Variants in DNAJC5 observed in about 807,000 individuals in gnomAD.
The protein encoded by DNAJC5 is dnaJ homolog subfamily C member 5.
DNAJC5 carries 1 observed loss-of-function variant against 23.2 expected under a neutral mutation model. The ratio of observed to expected loss-of-function variants is 0.04; its 90% CI spans 0.02 to 0.20. The LOEUF (loss-of-function observed/expected upper bound fraction) is 0.20. DNAJC5 is among the 10% of genes least tolerant of loss of function. DNAJC5 has a pLI of 1.00. For synonymous variants in DNAJC5, 136 were observed against 120.0 expected (o/e 1.13, Z -0.87); for missense variants, 180 against 267.0 (o/e 0.67, Z 2.27).
chr20:63,896,556 A>G (rs949107662), intron 1 of DNAJC5, among the ~76,000 whole-genome samples: 1 of 152,124 alleles, frequency 6.6e-6, no homozygotes, highest in Admixed American at 6.5e-5. Flanking sequence ...TGCACCTGCC[A>G]TATCAGCCTC....
chr20:63,924,438 G>C (rs2053595407), intron 1 of DNAJC5, among the ~76,000 whole-genome samples: 1 of 152,196 alleles, frequency 6.6e-6, no homozygotes, highest in Non-Finnish European at 1.5e-5. Context: ...CCAGGCTACA[G>C]TGTGGTGGCA....
At chr20:63,902,894 G>A (rs1482605036) in intron 1 of DNAJC5, among the ~76,000 whole-genome samples, 2 of 144,862 alleles carry the variant, frequency 1.4e-5, no homozygotes, top group African/African-American at 5.1e-5. Context: ...AGCCAGGATG[G>A]TCTCGATCTC....
Position 63,907,705 on chromosome 20 carries a change from A to G in DNAJC5, c.-12+12382A>G, listed in dbSNP as rs114462684. 9.1e-3 allele frequency among the ~76,000 whole-genome samples: 1,385 copies of G among 152,356 alleles called. 11 individuals are homozygous for G. Among genetic ancestry groups the G allele is most frequent in the African/African-American group, 0.032 (1,317 of 41,578 alleles). On this transcript the variant is annotated intron_variant, in intron 1 of 4. Coordinates refer to ENST00000360864, the MANE Select transcript of DNAJC5 (RefSeq NM_025219.3). The stretch of plus-strand genomic sequence containing the variant: ...CAGATATCACAAGTTTTGTCAGATC[A>G]TACTGTCTCAATTTTGAGGTGAATG...
rs968502254 is a variant in DNAJC5, at chr20:63,928,307, G to A, written c.-11-28G>A. ...CTTGGTACTTTCATCTATACTTTGTGATACTTTCTTTTTATTTTTTCTTCT... is the reference window on the plus strand; with the variant it reads ...CTTGGTACTTTCATCTATACTTTGTAATACTTTCTTTTTATTTTTTCTTCT... On this transcript the variant is annotated intron_variant, in intron 1 of 4. Coordinates refer to ENST00000360864, the MANE Select transcript of DNAJC5 (RefSeq NM_025219.3). The surrounding 1 kb of genome is among the most constrained non-coding windows in gnomAD (Gnocchi z 4.6). 1.3e-6 allele frequency: 2 copies of A among 1,572,534 alleles called. No individual in the cohort carries two copies. The highest frequency in any genetic ancestry group is 2.7e-5 in the African/African-American group (2 of 74,106).
At chr20:63,924,770 C>T (rs773155493) in intron 1 of DNAJC5, among the ~76,000 whole-genome samples, 9 of 152,242 alleles carry the variant, frequency 5.9e-5, no homozygotes, top group South Asian at 2.1e-4. Context: ...GCCTGGGAGG[C>T]GGAGGTTGCA....
At chr20:63,903,732 A>C (rs1238736916) in intron 1 of DNAJC5, among the ~76,000 whole-genome samples, 1 of 151,856 alleles carries the variant, frequency 6.6e-6, no homozygotes, top group Non-Finnish European at 1.5e-5. Flanking sequence ...AGCAGATTAC[A>C]TGAGGCCAGG....
Position 63,931,443 on chromosome 20 carries a change from GC to G in DNAJC5, c.494-19del. 1 of 1,539,624 alleles carries G rather than the reference GC, an allele frequency of 6.5e-7. No individual in the cohort carries two copies. ...CGCCAGGCTGTGGCCCTCGTGCAGTGCCCTGTGTGCTTGCTTTTCAGAGGCC... is the reference window on the plus strand; with the variant it reads ...CGCCAGGCTGTGGCCCTCGTGCAGTGCCTGTGTGCTTGCTTTTCAGAGGCC... On this transcript the variant is annotated intron_variant, in intron 4 of 4. Coordinates refer to ENST00000360864, the MANE Select transcript of DNAJC5 (RefSeq NM_025219.3). The surrounding 1 kb of genome is among the most constrained non-coding windows in gnomAD (Gnocchi z 9.6).
intron 1 of DNAJC5, among the ~76,000 whole-genome samples, chr20:63,927,441 G>A (rs192769514): frequency 2.0e-5 from 3 of 152,342 alleles, no homozygotes; most frequent in Admixed American, 2.0e-4. Context: ...GTGTGAGGCT[G>A]AGGCAGGAGC....
In DNAJC5 at chr20:63,929,621, G is replaced by A; in HGVS notation, c.321+96G>A. ...CCGTGCGGGCACCCGAGTCACTCCTGCCGTGCGGGCACCCGAGTCTCTCCT... is the reference window on the plus strand; with the variant it reads ...CCGTGCGGGCACCCGAGTCACTCCTACCGTGCGGGCACCCGAGTCTCTCCT... On this transcript the variant is annotated intron_variant, in intron 3 of 4. Transcript: ENST00000360864. This position sits in a 1 kb window ranked among gnomAD's most constrained non-coding sequence, Gnocchi z 8.6. The A allele has an allele frequency of 1.6e-6, 2 of 1,244,366 alleles. No individual in the cohort carries two copies. Among genetic ancestry groups the A allele is most frequent in the Non-Finnish European group, 2.3e-6 (2 of 876,472 alleles). The allele number at this position is 1,244,366 out of a possible 1,614,324, so 77.1% of individuals were successfully genotyped here. A position where few individuals can be genotyped will look rare whatever the true frequency, so the allele number is the denominator to read the frequency against.
At chr20:63,897,613 A>G (rs999025432) in intron 1 of DNAJC5, among the ~76,000 whole-genome samples, 9 of 152,164 alleles carry the variant, frequency 5.9e-5, no homozygotes, top group African/African-American at 1.9e-4. Context: ...AGTGGTAATA[A>G]TGCTTTTAGA....
chr20:63,899,031 A>C lies in DNAJC5; in HGVS notation c.-12+3708A>C, dbSNP rs973363459. ...AATCTGTGCTAGGCCTTCCTTCGTGAAAGAGGACAAGATCAGGGCTCACGT... is the reference window on the plus strand; with the variant it reads ...AATCTGTGCTAGGCCTTCCTTCGTGCAAGAGGACAAGATCAGGGCTCACGT... On this transcript the variant is annotated intron_variant, in intron 1 of 4. Transcript: ENST00000360864. 2.0e-5 allele frequency among the ~76,000 whole-genome samples: 3 copies of C among 152,156 alleles called. No homozygotes were observed. In the South Asian group the frequency reaches 6.2e-4, roughly 32 times the overall value.
At chr20:63,922,883 T>C (rs568496220) in intron 1 of DNAJC5, among the ~76,000 whole-genome samples, 1 of 152,302 alleles carries the variant, frequency 6.6e-6, no homozygotes, top group Admixed American at 6.5e-5. Context: ...CTCATGCCTG[T>C]AATCCCCAGC....
intron 1 of DNAJC5, among the ~76,000 whole-genome samples, chr20:63,895,686 G>A (rs1437734023): frequency 6.6e-6 from 1 of 152,038 alleles, no homozygotes; most frequent in Admixed American, 6.6e-5. Flanking sequence ...CCTCTCCTGC[G>A]GGGGGACTGG....
rs940576822 is a variant in DNAJC5 at position 63,929,706 on chromosome 20, G to A, written c.321+181G>A. ...GGCACCCGAGTCACTCCTGCCGTGC[G>A]GGCGCCCGAGTCACTCCTGCCGTGC... On this transcript the variant is annotated intron_variant, in intron 3 of 4. Coordinates refer to ENST00000360864, the MANE Select transcript of DNAJC5 (RefSeq NM_025219.3). The surrounding 1 kb of genome is among the most constrained non-coding windows in gnomAD (Gnocchi z 8.6). Among the ~76,000 whole-genome samples the A allele has an allele frequency of 4.2e-4, 62 of 148,616 alleles. No individual in the cohort carries two copies. The highest frequency in any genetic ancestry group is 1.4e-3 in the African/African-American group (55 of 38,932).
intron 1 of DNAJC5, among the ~76,000 whole-genome samples, chr20:63,899,963 A>T (rs1174793524): frequency 1.4e-5 from 2 of 143,582 alleles, no homozygotes; most frequent in African/African-American, 5.3e-5. Flanking sequence ...GTTTCCGCTC[A>T]TGGCAACCTC....
intron 1 of DNAJC5, among the ~76,000 whole-genome samples, chr20:63,923,445 A>G (rs559886941): frequency 7.2e-5 from 11 of 151,942 alleles, no homozygotes; most frequent in Non-Finnish European, 1.5e-4. Flanking sequence ...TTGTTTCTAA[A>G]AAAAAAAATT....
Position 63,902,686 on chromosome 20 carries a change from T to TC in DNAJC5, c.-12+7363_-12+7364insC, listed in dbSNP as rs569014008. ...CCTGGCCTCATCTTGTTTTTTTTTT[T>TC]TTTTTTTGAGACAGAGTCTTGCTCT... On this transcript the variant is annotated intron_variant, in intron 1 of 4. Transcript: ENST00000360864. Among the ~76,000 whole-genome samples the TC allele has an allele frequency of 5.0e-3, 700 of 141,170 alleles. 6 individuals carry two copies. Among genetic ancestry groups the TC allele is most frequent in the African/African-American group, 0.018 (664 of 37,930 alleles). 92.6% of individuals were successfully genotyped at this position (141,170 alleles called of 152,430 possible).
Position 63,931,765 on chromosome 20 carries a change from A to C in DNAJC5, c.*197A>C. 1.6e-6 allele frequency: 1 copy of C among 633,268 alleles called. No individual in the cohort carries two copies. The highest frequency in any genetic ancestry group is 1.8e-5 in the South Asian group (1 of 57,114). The allele number at this position is 633,268 out of a possible 1,614,324, so 39.2% of individuals were successfully genotyped here. On this transcript the variant is annotated 3_prime_UTR_variant, in exon 5 of 5. Coordinates refer to ENST00000360864, the MANE Select transcript of DNAJC5 (RefSeq NM_025219.3). This position sits in a 1 kb window ranked among gnomAD's most constrained non-coding sequence, Gnocchi z 9.6. Reference sequence around the variant, plus strand: ...TAGCATGCAGTATTTAAAGCAGTGTAGCTACGGTCTTCTGTTTTTTTCCCT... The same window carrying C: ...TAGCATGCAGTATTTAAAGCAGTGTCGCTACGGTCTTCTGTTTTTTTCCCT...
At chr20:63,918,881 A>C (rs2053538049) in intron 1 of DNAJC5, among the ~76,000 whole-genome samples, 1 of 152,280 alleles carries the variant, frequency 6.6e-6, no homozygotes, top group South Asian at 2.1e-4. Context: ...GGCGTGAGCC[A>C]CCACGCCCGG....
Sources: gnomAD v4.1 joint callset for allele counts (sites outside exome capture counted in the v4.1 genomes callset) on GRCh38, gnomAD v4.1.1 for gene constraint, Gnocchi (gnomAD v3.1) non-coding constraint, MANE v1.5 for transcripts, NCBI Gene and HGNC (gene_info 2026-07-23, HGNC 2026-07-21) for gene names.